MTHFD1L: variants seen among roughly 807,000 people sequenced by gnomAD.
MTHFD1L encodes methylenetetrahydrofolate dehydrogenase (NADP+ dependent) 1 like, also known as monofunctional C1-tetrahydrofolate synthase, mitochondrial.
Under a neutral mutation model 119.5 loss-of-function variants are expected in MTHFD1L, and 81 were observed. The observed-to-expected ratio is 0.68, with a 90% CI of 0.57 to 0.82. MTHFD1L has a LOEUF of 0.82. Among genes scored for constraint, MTHFD1L ranks in the 40% least tolerant of loss-of-function variants. MTHFD1L has a pLI of 0.00. For synonymous variants in MTHFD1L, 430 were observed against 475.2 expected (o/e 0.90, Z 1.24); for missense variants, 1,125 against 1,253.4 (o/e 0.90, Z 1.55).
chr6:150,994,289 C>T (rs1005107832), intron 20 of MTHFD1L, among the ~76,000 whole-genome samples: 10 of 152,066 alleles, frequency 6.6e-5, no homozygotes, highest in Non-Finnish European at 1.2e-4. Flanking sequence ...AGGCATACCC[C>T]CTTTTCAGGA....
Position 150,944,481 on chromosome 6 carries a change from T to G in MTHFD1L, c.1441-5T>G. ...AATAAATAGAAAGATATCTTATTTC[T>G]CTAGTTCAACCTTCACTTGACTGGA... is the stretch of plus-strand genomic sequence containing the variant. On this transcript the variant is annotated splice_polypyrimidine_tract_variant and splice_region_variant and intron_variant, in intron 13 of 27. Transcript: ENST00000367321. 6.2e-7 allele frequency: 1 copy of G among 1,603,712 alleles called. No individual in the cohort carries two copies. Among genetic ancestry groups the G allele is most frequent in the Non-Finnish European group, 8.5e-7 (1 of 1,171,720 alleles).
Position 150,961,089 on chromosome 6 carries a change from C to CT in MTHFD1L, c.1944+696dup, listed in dbSNP as rs35978918. Reference sequence around the variant, plus strand: ...GTATAATAACAACCTTTCCTGTTAACTTTTTTTTTTTTTTTTTTTTTTCTG... The same window carrying CT: ...GTATAATAACAACCTTTCCTGTTAACTTTTTTTTTTTTTTTTTTTTTTTCTG... On this transcript the variant is annotated intron_variant, in intron 18 of 27. Coordinates refer to ENST00000367321, the MANE Select transcript of MTHFD1L (RefSeq NM_015440.5). Among the ~76,000 whole-genome samples, 1,103 of 113,386 alleles carry CT rather than the reference C, an allele frequency of 9.7e-3. 22 individuals carry two copies. The highest frequency in any genetic ancestry group is 0.021 in the African/African-American group (659 of 30,750). The allele number at this position is 113,386 out of a possible 152,430, so 74.4% of individuals were successfully genotyped here.
intron 26 of MTHFD1L, among the ~76,000 whole-genome samples, chr6:151,081,476 A>C (rs1403064069): frequency 2.0e-5 from 3 of 149,922 alleles, no homozygotes; most frequent in East Asian, 4.0e-4. Flanking sequence ...AACATGGTGA[A>C]ACGCTGCCTC....
intron 11 of MTHFD1L, among the ~76,000 whole-genome samples, chr6:150,933,321 C>T (rs184670616): frequency 2.8e-4 from 42 of 152,172 alleles, no homozygotes; most frequent in African/African-American, 9.4e-4. Context: ...ATGCTCAGTG[C>T]GGTACTTAAA....
chr6:150,990,890 C>A (rs1052375415), intron 20 of MTHFD1L, among the ~76,000 whole-genome samples: 2 of 151,768 alleles, frequency 1.3e-5, no homozygotes, highest in African/African-American at 4.8e-5. Context: ...TAGTCTCGCT[C>A]TGTCACCCAG....
intron 8 of MTHFD1L, among the ~76,000 whole-genome samples, chr6:150,917,855 T>G (rs1176687022): frequency 1.3e-5 from 2 of 152,206 alleles, no homozygotes; most frequent in African/African-American, 4.8e-5. Flanking sequence ...ATCCACATGT[T>G]TTAAATGTTC....
chr6:151,097,191 CCTTA>C (rs1794956795), intron 27 of MTHFD1L, among the ~76,000 whole-genome samples: 1 of 152,166 alleles, frequency 6.6e-6, no homozygotes, highest in East Asian at 1.9e-4. Context: ...TCAAGGACTC[CCTTA>C]CTTCTTTATT....
chr6:150,965,098 C>T, intron 19 of MTHFD1L, 61 bp downstream of exon 19: 1 of 1,459,724 alleles, frequency 6.9e-7, no homozygotes, highest in Non-Finnish European at 9.6e-7. Flanking sequence ...ACAATGTGAA[C>T]ATTTTTAGCC....
intron 26 of MTHFD1L, among the ~76,000 whole-genome samples, chr6:151,058,162 A>G (rs559028893): frequency 6.6e-6 from 1 of 152,186 alleles, no homozygotes; most frequent in Non-Finnish European, 1.5e-5. Flanking sequence ...GCTCATTTCC[A>G]TACCTAGCAA....
intron 24 of MTHFD1L, among the ~76,000 whole-genome samples, chr6:151,017,561 G>T (rs1223966705): frequency 2.0e-5 from 3 of 151,938 alleles, no homozygotes; most frequent in South Asian, 4.1e-4. Context: ...TCGTCAGGCT[G>T]GTCTCAAACT....
At chr6:151,017,825 G>GTTTTTTT (rs1783342400) in intron 24 of MTHFD1L, among the ~76,000 whole-genome samples, 13 of 119,554 alleles carry the variant, frequency 1.1e-4, no homozygotes, top group African/African-American at 4.4e-4. Flanking sequence ...TCAAGACCGT[G>GTTTTTTT]TTTTCTTTTT....
At chr6:150,890,906 T>G (rs1262116026) in intron 7 of MTHFD1L, among the ~76,000 whole-genome samples, 5 of 152,358 alleles carry the variant, frequency 3.3e-5, no homozygotes, top group Non-Finnish European at 7.3e-5. Flanking sequence ...ATAGTCATAG[T>G]TCATAAAACA....
chr6:151,059,028 G>A (rs1160420029), intron 26 of MTHFD1L, among the ~76,000 whole-genome samples: 3 of 151,804 alleles, frequency 2.0e-5, no homozygotes, highest in Admixed American at 1.3e-4. Flanking sequence ...TTGAGGCAGT[G>A]CCTCAGTGAG....
chr6:150,911,163 A>G (rs1786821912), intron 8 of MTHFD1L, among the ~76,000 whole-genome samples: 1 of 152,128 alleles, frequency 6.6e-6, no homozygotes, highest in Non-Finnish European at 1.5e-5. Flanking sequence ...GCTTTTTTTA[A>G]AAAAAGTAAA....
intron 26 of MTHFD1L, among the ~76,000 whole-genome samples, chr6:151,050,351 G>A (rs1342485827): frequency 2.0e-5 from 3 of 152,076 alleles, no homozygotes; most frequent in East Asian, 3.9e-4. Flanking sequence ...TTGTAGAGAC[G>A]GGGTTTCACC....
chr6:151,099,746 T>C (rs1281915734), intron 27 of MTHFD1L: 1 of 1,609,884 alleles, frequency 6.2e-7, no homozygotes, highest in African/African-American at 1.3e-5. Context: ...CCCAGTGGCT[T>C]CCGGAAGTTC....
intron 7 of MTHFD1L, among the ~76,000 whole-genome samples, chr6:150,899,579 C>T (rs750395718): frequency 2.6e-5 from 4 of 152,164 alleles, no homozygotes; most frequent in African/African-American, 9.6e-5. Flanking sequence ...TTTAATACTG[C>T]AGGGGAAAGG....
chr6:151,014,758 T>G lies in MTHFD1L; in HGVS notation c.2308-122T>G. ...TCTTTATTCTTGCAGCCATCTTTCTTGGAGGAAAAAGTGAAAAAAGATGTA... is the reference window on the plus strand; with the variant it reads ...TCTTTATTCTTGCAGCCATCTTTCTGGGAGGAAAAAGTGAAAAAAGATGTA... On this transcript the variant is annotated intron_variant, in intron 22 of 27. Transcript: ENST00000367321. The G allele has an allele frequency of 4.5e-6, 3 of 659,476 alleles. No homozygotes were observed. The South Asian group carries it at 5.7e-5, about 13-fold the overall frequency. 40.9% of individuals were successfully genotyped at this position (659,476 alleles called of 1,614,324 possible). A position where few individuals can be genotyped will look rare whatever the true frequency, so the allele number is the denominator to read the frequency against.
chr6:151,081,898 A>G (rs1186601403), intron 26 of MTHFD1L, among the ~76,000 whole-genome samples: 1 of 152,026 alleles, frequency 6.6e-6, no homozygotes, highest in African/African-American at 2.4e-5. Context: ...AGCACTGTCC[A>G]TCCTCCCCAC....
Sources: allele counts gnomAD v4.1 joint callset (sites outside exome capture counted in the v4.1 genomes callset), GRCh38; gene constraint gnomAD v4.1.1; transcripts MANE v1.5; gene names NCBI Gene and HGNC (gene_info 2026-07-23, HGNC 2026-07-21).